Variants in CACNA1A observed in about 807,000 individuals in gnomAD.
The protein encoded by CACNA1A is calcium voltage-gated channel subunit alpha1 A.
A neutral mutation model predicts 262.4 loss-of-function variants in CACNA1A; 57 were observed. The ratio of observed to expected loss-of-function variants is 0.22; its 90% CI spans 0.18 to 0.27. The LOEUF is 0.27. Among genes scored for constraint, CACNA1A ranks in the 10% least tolerant of loss-of-function variants. The probability of loss-of-function intolerance (pLI) is 1.00; values close to 1 mark genes in which losing one functional copy is unlikely to be tolerated. For missense variants in CACNA1A, 2,526 were observed against 3,562.8 expected (o/e 0.71, Z 7.41); for synonymous variants, 1,431 against 1,419.3 (o/e 1.01, Z -0.18).
chr19:13,312,529 T>C, intron 12 of CACNA1A, 140 bp downstream of exon 12: 1 of 595,570 alleles, frequency 1.7e-6, no homozygotes, highest in African/African-American at 2.0e-5. Flanking sequence ...GTGTTTGGGA[T>C]TGTTTTCTCA....
At chr19:13,438,547 GC>G (rs1478254179) in intron 3 of CACNA1A, among the ~76,000 whole-genome samples, 1 of 152,176 alleles carries the variant, frequency 6.6e-6, no homozygotes, top group African/African-American at 2.4e-5. Context: ...AGTCATTCCA[GC>G]CGAGGTCATC....
chr19:13,416,312 AG>A (rs1393038085), intron 3 of CACNA1A, among the ~76,000 whole-genome samples: 10 of 152,196 alleles, frequency 6.6e-5, no homozygotes, highest in African/African-American at 2.4e-4. Flanking sequence ...TATGTTGCCC[AG>A]GCTGGTCTCA....
chr19:13,354,968 G>A (rs1290244683), intron 6 of CACNA1A, among the ~76,000 whole-genome samples: 4 of 150,440 alleles, frequency 2.7e-5, no homozygotes, highest in South Asian at 2.1e-4. Flanking sequence ...TCCATCTCCC[G>A]GGTTCAAGTG....
At chr19:13,349,382 A>G (rs2058861724) in intron 6 of CACNA1A, among the ~76,000 whole-genome samples, 2 of 152,062 alleles carry the variant, frequency 1.3e-5, no homozygotes, top group African/African-American at 2.4e-5. Context: ...TAGGTCCTGT[A>G]CCCCATGAAG....
rs1274589600 is a variant in CACNA1A, at chr19:13,490,512, A to G, written c.293+15420T>C. On this transcript the variant is annotated intron_variant, in intron 1 of 46. Coordinates refer to ENST00000360228, the MANE Select transcript of CACNA1A (RefSeq NM_001127222.2). ...CAGCCACTTGGGAGGCCAAGGCAGG[A>G]AAATTGCTTGAACCGGGAGGCAGAG... Among the ~76,000 whole-genome samples, 3 of 152,090 alleles carry G rather than the reference A, an allele frequency of 2.0e-5. No homozygotes were observed. In the East Asian group the frequency reaches 5.8e-4, roughly 29 times the overall value.
chr19:13,276,281 C>T (rs2144835312), intron 23 of CACNA1A, among the ~76,000 whole-genome samples: 1 of 152,318 alleles, frequency 6.6e-6, no homozygotes, highest in South Asian at 2.1e-4. Context: ...CCAGAACCTT[C>T]CAAGAATCTG....
chr19:13,232,856 C>T (rs1426723443), intron 34 of CACNA1A, among the ~76,000 whole-genome samples: 8 of 151,686 alleles, frequency 5.3e-5, no homozygotes, highest in Admixed American at 3.3e-4. Context: ...TGAGAACGGC[C>T]TGACCAACAT....
intron 1 of CACNA1A, among the ~76,000 whole-genome samples, chr19:13,488,780 T>C (rs573617824): frequency 2.6e-5 from 4 of 151,980 alleles, no homozygotes; most frequent in Admixed American, 6.5e-5. Context: ...CAGATTGGGA[T>C]TGAGCAGGTC....
rs2054626655 is a variant in CACNA1A, at chr19:13,207,898, C to G, written c.6936G>C (p.Pro2312=). ...VIRKAGGSGP[P]QQQQQQQQQQ... ...GCTGCTGCTGCTGCTGCTGCTGCTG[C>G]GGGGGCCCCGAGCCGCCGGCCTTAC... is the stretch of plus-strand genomic sequence containing the variant. The change falls in exon 47 of 47, where the codon CCG becomes CCC. Residue 2312 remains proline, a synonymous_variant. Transcript: ENST00000360228. The surrounding 1 kb of genome is among the most constrained non-coding windows in gnomAD (Gnocchi z 5.7). 1 of 1,381,062 alleles carries G rather than the reference C, an allele frequency of 7.2e-7. No homozygotes were observed. The highest frequency in any genetic ancestry group is 1.4e-5 in the South Asian group (1 of 69,810). 85.6% of individuals were successfully genotyped at this position (1,381,062 alleles called of 1,614,324 possible).
intron 3 of CACNA1A, chr19:13,451,206 T>A (rs575337780): frequency 6.6e-6 from 1 of 152,294 alleles, no homozygotes; most frequent in African/African-American, 2.4e-5. Context: ...AACAGCCCAA[T>A]AGGCCACAGC....
Position 13,506,198 on chromosome 19 carries a change from C to A in CACNA1A, c.27G>T (p.Pro9=), listed in dbSNP as rs547576283. MARFGDEM[P]ARYGGGGSGA... is the part of the protein sequence containing the mutation. The stretch of plus-strand genomic sequence containing the variant: ...CGGAGCCTCCTCCCCCGTAGCGGGC[C>A]GGCATCTCGTCTCCGAAGCGGGCCA... Residue 9 remains proline (P), a synonymous_variant, in exon 1 of 47, where the codon CCG becomes CCT. Transcript: ENST00000360228. The A allele has an allele frequency of 8.0e-6, 12 of 1,496,122 alleles. No homozygotes were observed. In the African/African-American group the frequency reaches 1.3e-4, roughly 16 times the overall value. The allele number at this position is 1,496,122 out of a possible 1,614,324, so 92.7% of individuals were successfully genotyped here.
intron 19 of CACNA1A, among the ~76,000 whole-genome samples, chr19:13,288,222 T>G (rs1043312169): frequency 6.7e-6 from 1 of 149,540 alleles, no homozygotes; most frequent in Non-Finnish European, 1.5e-5. Flanking sequence ...TTTCTTTTTC[T>G]TTCTTTCTTT....
intron 3 of CACNA1A, among the ~76,000 whole-genome samples, chr19:13,445,073 G>A (rs2060785006): frequency 6.6e-6 from 1 of 151,400 alleles, no homozygotes; most frequent in Non-Finnish European, 1.5e-5. Context: ...CTGGGAGGCG[G>A]AGGTTGCAGT....
chr19:13,275,263 A>C (rs2057117346), intron 24 of CACNA1A: 1 of 153,554 alleles, frequency 6.5e-6, no homozygotes, highest in African/African-American at 2.4e-5. Context: ...TCTTGGGATG[A>C]CTACTAAGAG....
chr19:13,268,688 C>G (rs553131011), intron 24 of CACNA1A, among the ~76,000 whole-genome samples: 1 of 152,190 alleles, frequency 6.6e-6, no homozygotes, highest in East Asian at 1.9e-4. Context: ...CCCACCTTGG[C>G]CTCCCAAAGT....
At chr19:13,395,628 A>AC (rs928022183) in intron 3 of CACNA1A, among the ~76,000 whole-genome samples, 2 of 152,046 alleles carry the variant, frequency 1.3e-5, no homozygotes, top group African/African-American at 4.8e-5. Context: ...AAGAAAAAAA[A>AC]AAAAAAGAAA....
intron 3 of CACNA1A, among the ~76,000 whole-genome samples, chr19:13,435,613 C>T (rs553477722): frequency 1.3e-5 from 2 of 152,076 alleles, no homozygotes; most frequent in African/African-American, 2.4e-5. Flanking sequence ...GAAAGATGTG[C>T]CTGGAGGATT....
chr19:13,348,793 G>A (rs188909865), intron 6 of CACNA1A, among the ~76,000 whole-genome samples: 1 of 152,162 alleles, frequency 6.6e-6, no homozygotes, highest in East Asian at 1.9e-4. Flanking sequence ...CCGAGATCAC[G>A]CCACTGTACT....
At chr19:13,341,923 C>T (rs186318005) in intron 6 of CACNA1A, among the ~76,000 whole-genome samples, 5 of 152,290 alleles carry the variant, frequency 3.3e-5, no homozygotes, top group Admixed American at 3.3e-4. Context: ...ACATCTGGCA[C>T]ACAGTCGGTG....
Sources: gnomAD v4.1 joint callset for allele counts (sites outside exome capture counted in the v4.1 genomes callset) on GRCh38, gnomAD v4.1.1 for gene constraint, Gnocchi (gnomAD v3.1) non-coding constraint, MANE v1.5 for transcripts, NCBI Gene and HGNC (gene_info 2026-07-23, HGNC 2026-07-21) for gene names.